The following TAF4 variants were observed in gnomAD, a reference collection of about 807,000 sequenced individuals.
The protein encoded by TAF4 is TATA-box binding protein associated factor 4.
A neutral mutation model predicts 90.3 loss-of-function variants in TAF4; 9 were observed. That is an observed-to-expected ratio of 0.10 (90% confidence interval 0.06 to 0.17). The LOEUF (loss-of-function observed/expected upper bound fraction) is 0.17, where lower values mean the gene tolerates loss of function less well. Among genes scored for constraint, TAF4 ranks in the 10% least tolerant of loss-of-function variants. TAF4 has a pLI of 1.00. For synonymous variants in TAF4, 818 were observed against 638.9 expected (o/e 1.28, Z -4.23); for missense variants, 1,351 against 1,370.7 (o/e 0.99, Z 0.23).
At chr20:61,998,515 CCCACACACCAGGGA>C (rs2055677664) in intron 12 of TAF4, among the ~76,000 whole-genome samples, 1 of 152,114 alleles carries the variant, frequency 6.6e-6, no homozygotes, top group South Asian at 2.1e-4. Context: ...GCTGTCCTGT[CCCACACACCAGGGA>C]CGGGACAGCC....
chr20:62,040,769 G>A (rs2055959228), intron 1 of TAF4, among the ~76,000 whole-genome samples: 1 of 152,232 alleles, frequency 6.6e-6, no homozygotes, highest in South Asian at 2.1e-4. Flanking sequence ...CAGGAACACA[G>A]CCTGGCAGTT....
chr20:62,026,669 G>C (rs1023643646), intron 1 of TAF4, among the ~76,000 whole-genome samples: 2 of 152,158 alleles, frequency 1.3e-5, no homozygotes, highest in African/African-American at 4.8e-5. Flanking sequence ...AATCCAGCAG[G>C]CCACACTCGG....
intron 1 of TAF4, among the ~76,000 whole-genome samples, chr20:62,030,583 C>T (rs535139465): frequency 6.6e-6 from 1 of 152,348 alleles, no homozygotes; most frequent in Non-Finnish European, 1.5e-5. Flanking sequence ...AGAGGACGCA[C>T]TCGCAGGATG....
intron 1 of TAF4, among the ~76,000 whole-genome samples, chr20:62,025,216 T>C (rs1213630177): frequency 1.3e-5 from 2 of 152,216 alleles, no homozygotes; most frequent in Non-Finnish European, 2.9e-5. Flanking sequence ...TTACAAAGGC[T>C]TGTACCTGGG....
Position 62,064,755 on chromosome 20 carries a change from C to T in TAF4, c.1056G>A (p.Gln352=). ...GGGTCTGCGCCGCCGGGGGCGCCGC[C>T]TGCACCACCCTCTTGGGCGACTCGG... ...VKAESPKRVV[Q]AAPPAAQTLA... The change falls in exon 1 of 15, where the codon CAG becomes CAA. Residue 352 remains glutamine (Q), a synonymous_variant. Coordinates refer to ENST00000252996, the MANE Select transcript of TAF4 (RefSeq NM_003185.4). 1 of 1,161,490 alleles carries T rather than the reference C, an allele frequency of 8.6e-7. No individual in the cohort carries two copies. Among genetic ancestry groups the T allele is most frequent in the Non-Finnish European group, 1.1e-6 (1 of 946,362 alleles). 71.9% of individuals were successfully genotyped at this position (1,161,490 alleles called of 1,614,324 possible).
At chr20:62,054,561 A>G (rs2056049830) in intron 1 of TAF4, among the ~76,000 whole-genome samples, 1 of 152,122 alleles carries the variant, frequency 6.6e-6, no homozygotes, top group Non-Finnish European at 1.5e-5. Flanking sequence ...TTCCACCCCA[A>G]GAGCTGACAG....
At chr20:62,024,523 CTA>C (rs2055863857) in intron 1 of TAF4, among the ~76,000 whole-genome samples, 2 of 152,190 alleles carry the variant, frequency 1.3e-5, no homozygotes, top group South Asian at 4.1e-4. Context: ...AAGCATCCAT[CTA>C]ATAAAGGGCT....
chr20:62,013,948 T>TGA (rs2055795770), intron 2 of TAF4, among the ~76,000 whole-genome samples: 1 of 138,978 alleles, frequency 7.2e-6, no homozygotes, highest in African/African-American at 2.6e-5. Context: ...TGTGTGTGTG[T>TGA]GTGAATCCGT....
At chr20:62,046,990 C>T (rs1419829236) in intron 1 of TAF4, among the ~76,000 whole-genome samples, 1 of 152,200 alleles carries the variant, frequency 6.6e-6, no homozygotes, top group African/African-American at 2.4e-5. Flanking sequence ...AATATTTTCT[C>T]CAAGTCGACG....
chr20:61,999,337 GGA>G (rs1462885945), intron 11 of TAF4, among the ~76,000 whole-genome samples: 9 of 152,322 alleles, frequency 5.9e-5, no homozygotes, highest in South Asian at 2.1e-4. Context: ...CACACTTGTG[GGA>G]GAGTGTCCCT....
intron 1 of TAF4, among the ~76,000 whole-genome samples, chr20:62,063,057 T>C (rs1001114456): frequency 1.3e-5 from 2 of 152,206 alleles, no homozygotes; most frequent in Non-Finnish European, 2.9e-5. Flanking sequence ...ACCAAGCCTC[T>C]GGCAAAACAC....
intron 1 of TAF4, among the ~76,000 whole-genome samples, chr20:62,017,010 G>A (rs924597027): frequency 6.6e-6 from 1 of 152,070 alleles, no homozygotes; most frequent in African/African-American, 2.4e-5. Context: ...AGGCGTGGTG[G>A]CACACCTGTA....
rs1269669759 is a variant in TAF4, at chr20:62,065,058, C to A, written c.753G>T (p.Ala251=). 2.6e-6 allele frequency: 2 copies of A among 756,246 alleles called. No homozygotes were observed. Among genetic ancestry groups the A allele is most frequent in the Non-Finnish European group, 3.0e-6 (2 of 656,898 alleles). The allele number at this position is 756,246 out of a possible 1,614,324, so 46.8% of individuals were successfully genotyped here. ...PPFVGAAAPP[A]PAAPSPPAAP... is the part of the protein sequence containing the mutation. Reference sequence around the variant, plus strand: ...CGGCGGGGGGCGAGGGCGCGGCGGGCGCGGGGGGCGCGGCGGCGCCCACGA... The same window carrying A: ...CGGCGGGGGGCGAGGGCGCGGCGGGAGCGGGGGGCGCGGCGGCGCCCACGA... Residue 251 remains alanine, a synonymous_variant, in exon 1 of 15, where the codon GCG becomes GCT. Coordinates refer to ENST00000252996, the MANE Select transcript of TAF4 (RefSeq NM_003185.4).
At position 62,065,727 on chromosome 20, in the gene TAF4, C is replaced by G. The variant is rs1205308211; in HGVS notation, c.84G>C (p.Ser28=). ...CGCTGGCCGCCAGCTGCGACTCCAG[C>G]GAGCCCACCAGGTCGCTCACCACTT... is the stretch of plus-strand genomic sequence containing the variant. ...DEKVVSDLVG[S]LESQLAASAA... Residue 28 remains serine, a synonymous_variant, in exon 1 of 15, where the codon TCG becomes TCC. Transcript: ENST00000252996. 1 of 1,317,348 alleles carries G rather than the reference C, an allele frequency of 7.6e-7. No homozygotes were observed. The highest frequency in any genetic ancestry group is 9.9e-7 in the Non-Finnish European group (1 of 1,015,214). 81.6% of individuals were successfully genotyped at this position (1,317,348 alleles called of 1,614,324 possible). A position where few individuals can be genotyped will look rare whatever the true frequency, so the allele number is the denominator to read the frequency against.
intron 5 of TAF4, 104 bp downstream of exon 5, chr20:62,008,948 C>T: frequency 6.9e-7 from 1 of 1,456,958 alleles, no homozygotes; most frequent in Non-Finnish European, 9.1e-7. Context: ...GAGGAGCTCT[C>T]CCTGCTGGCA....
chr20:62,018,099 A>C (rs1197951078), intron 1 of TAF4, among the ~76,000 whole-genome samples: 2 of 152,206 alleles, frequency 1.3e-5, no homozygotes, highest in Non-Finnish European at 2.9e-5. Flanking sequence ...GGTACAACGT[A>C]GCTTCTCGAG....
At chr20:62,044,739 A>C (rs577633311) in intron 1 of TAF4, among the ~76,000 whole-genome samples, 1 of 152,368 alleles carries the variant, frequency 6.6e-6, no homozygotes, top group East Asian at 1.9e-4. Flanking sequence ...CAGAATTTAC[A>C]GGAGGGGGAG....
At chr20:62,001,995 G>GT (rs1392330325) in intron 9 of TAF4, among the ~76,000 whole-genome samples, 1 of 152,192 alleles carries the variant, frequency 6.6e-6, no homozygotes, top group East Asian at 1.9e-4. Flanking sequence ...AAGACCCATG[G>GT]TTATCCATGC....
rs2056122841 is a variant in TAF4, at chr20:62,065,291, G to A, written c.520C>T (p.Pro174Ser). The part of the protein sequence containing the change: ...AALAARAGPG[P>S]GPGPGPGPGP... The stretch of plus-strand genomic sequence containing the variant: ...GGGCCGGGGCCGGGGCCGGGCCCGG[G>A]GCCGGGGCCGGCGCGGGCGGCCAGC... Residue 174 changes from proline (P) to serine (S), a missense_variant, in exon 1 of 15, where the codon CCC becomes TCC. By Grantham distance (74) the Pro-to-Ser change is moderately conservative. Around this residue, in one of 9 missense-constraint regions of TAF4, gnomAD observed 782 missense variants for 536.6 expected, o/e 1.46. Coordinates refer to ENST00000252996, the MANE Select transcript of TAF4 (RefSeq NM_003185.4). 2.2e-6 allele frequency: 2 copies of A among 921,336 alleles called. No homozygotes were observed. Among genetic ancestry groups the A allele is most frequent in the Non-Finnish European group, 2.6e-6 (2 of 780,274 alleles). The allele number at this position is 921,336 out of a possible 1,614,324, so 57.1% of individuals were successfully genotyped here.
Sources: gnomAD v4.1 joint callset for allele counts (sites outside exome capture counted in the v4.1 genomes callset) on GRCh38, gnomAD v4.1.1 for gene constraint, gnomAD v4.1.1 regional missense constraint, MANE v1.5 for transcripts, NCBI Gene and HGNC (gene_info 2026-07-23, HGNC 2026-07-21) for gene names.